The following DISC1 variants were observed in gnomAD, a reference collection of about 807,000 sequenced individuals.
The protein encoded by DISC1 is DISC1 scaffold protein.
Under a neutral mutation model 84.5 loss-of-function variants are expected in DISC1, and 57 were observed. That is an observed-to-expected ratio of 0.67 (90% CI 0.55 to 0.84). The LOEUF (loss-of-function observed/expected upper bound fraction) is 0.84, where lower values mean the gene tolerates loss of function less well. Among genes scored for constraint, DISC1 ranks in the 40% least tolerant of loss-of-function variants. DISC1 has a pLI of 0.00. For missense variants in DISC1, 1,000 were observed against 1,057.8 expected (o/e 0.95, Z 0.76); for synonymous variants, 411 against 415.2 (o/e 0.99, Z 0.12).
chr1:231,627,293 G>C (rs938644827), intron 1 of DISC1, among the ~76,000 whole-genome samples: 3 of 152,114 alleles, frequency 2.0e-5, no homozygotes, highest in Non-Finnish European at 4.4e-5. Context: ...CCCCGTCCTG[G>C]GACACCTGCG....
chr1:231,854,947 C>T, intron 9 of DISC1: 1 of 815,404 alleles, frequency 1.2e-6, no homozygotes, highest in African/African-American at 1.8e-5. Flanking sequence ...AACTCCTGAC[C>T]TCAAGTGATC....
rs954603954 is a variant in DISC1, at chr1:231,897,506, C to T, written c.1982-61322C>T. ...TTCACACATACAGCGCAGACTAAAT[C>T]GTCTTTTTCTTTATCTTTTTTTTTT... On this transcript the variant is annotated intron_variant, in intron 9 of 12. Transcript: ENST00000439617. The surrounding 1 kb of genome is among the most constrained non-coding windows in gnomAD (Gnocchi z 4.5). 2.0e-5 allele frequency among the ~76,000 whole-genome samples: 3 copies of T among 152,104 alleles called. No individual in the cohort carries two copies. In the East Asian group the frequency reaches 5.8e-4, roughly 29 times the overall value.
intron 3 of DISC1, among the ~76,000 whole-genome samples, chr1:231,733,018 T>C (rs1289648774): frequency 1.3e-5 from 2 of 151,332 alleles, no homozygotes; most frequent in East Asian, 3.9e-4. Context: ...GTGTTGTTGG[T>C]AATGGTGGTA....
At chr1:231,864,489 C>T (rs2084911771) in intron 9 of DISC1, among the ~76,000 whole-genome samples, 2 of 152,022 alleles carry the variant, frequency 1.3e-5, no homozygotes, top group Non-Finnish European at 2.9e-5. Flanking sequence ...CAGTGAAACC[C>T]CGTCTCTATT....
intron 3 of DISC1, among the ~76,000 whole-genome samples, chr1:231,709,127 C>T (rs1235043075): frequency 2.0e-5 from 3 of 152,174 alleles, no homozygotes; most frequent in Admixed American, 1.3e-4. Flanking sequence ...TTCCTGTTTA[C>T]AGGAGAATTT....
chr1:231,921,860 T>C (rs1306207310), intron 9 of DISC1, among the ~76,000 whole-genome samples: 1 of 151,396 alleles, frequency 6.6e-6, no homozygotes, highest in Non-Finnish European at 1.5e-5. Flanking sequence ...GATCTACTCT[T>C]TGGGCAGTTT....
At chr1:231,800,287 C>T (rs1271585107) in intron 8 of DISC1, 77 bp downstream of exon 8, 14 of 1,127,434 alleles carry the variant, frequency 1.2e-5, no homozygotes, top group African/African-American at 4.6e-5. Context: ...GTTTTGTCCT[C>T]GATGAACATT....
At chr1:231,726,175 T>C (rs2070662141) in intron 3 of DISC1, among the ~76,000 whole-genome samples, 1 of 152,172 alleles carries the variant, frequency 6.6e-6, no homozygotes, top group African/African-American at 2.4e-5. Flanking sequence ...TTTTCCATGT[T>C]ATGAACCAAG....
chr1:232,033,267 A>G (rs937243266), intron 12 of DISC1, among the ~76,000 whole-genome samples: 16 of 152,182 alleles, frequency 1.1e-4, no homozygotes. Context: ...TCCCACATCC[A>G]GTCTGTCACC....
intron 10 of DISC1, among the ~76,000 whole-genome samples, chr1:231,974,594 C>G (rs1300968390): frequency 6.6e-6 from 1 of 152,128 alleles, no homozygotes; most frequent in Non-Finnish European, 1.5e-5. Context: ...ATAAGAATCC[C>G]TAGAAAAACC....
At chr1:231,713,680 GATATATATATATATATATAGGAGATATAT>G (rs199892456) in intron 3 of DISC1, among the ~76,000 whole-genome samples, 2 of 120,812 alleles carry the variant, frequency 1.7e-5, no homozygotes, top group African/African-American at 6.9e-5. Context: ...TCATGAAGCA[GATATATATATATATATATAGGAGATATAT>G]ATATATATAT....
intron 4 of DISC1, among the ~76,000 whole-genome samples, chr1:231,751,178 C>T (rs768262901): frequency 3.3e-5 from 5 of 152,166 alleles, no homozygotes; most frequent in Non-Finnish European, 7.3e-5. Flanking sequence ...TGCAACATTG[C>T]GTGTTCCTCT....
rs1182568965 is a variant in DISC1, at chr1:231,806,906, T to C, written c.1792+6696T>C. On this transcript the variant is annotated intron_variant, in intron 8 of 12. Transcript: ENST00000439617. ...ACAGCAAGTGTGTGGTGGGTGCGGC[T>C]GACTTGTGCTCTGTGGCTACTACCC... Among the ~76,000 whole-genome samples, 4 of 152,354 alleles carry C rather than the reference T, an allele frequency of 2.6e-5. No individual in the cohort carries two copies. The East Asian group carries it at 7.7e-4, about 29-fold the overall frequency.
At chr1:231,896,563 A>C (rs941373881) in intron 9 of DISC1, among the ~76,000 whole-genome samples, 8 of 152,316 alleles carry the variant, frequency 5.3e-5, no homozygotes, top group Middle Eastern at 6.8e-3. Flanking sequence ...TCTTCTAGAA[A>C]GTGGGCTAAA....
Position 231,822,211 on chromosome 1 carries a change from T to C in DISC1, c.1981+3694T>C, listed in dbSNP as rs192199958. ...AATTTTAAATAGGACATCATTAGCATGTTAATGAATTTTCCCACCTTATGC... is the reference window on the plus strand; with the variant it reads ...AATTTTAAATAGGACATCATTAGCACGTTAATGAATTTTCCCACCTTATGC... On this transcript the variant is annotated intron_variant, in intron 9 of 12. Coordinates refer to ENST00000439617, the MANE Select transcript of DISC1 (RefSeq NM_018662.3). 1.3e-3 allele frequency among the ~76,000 whole-genome samples: 205 copies of C among 152,328 alleles called. 1 individual carries two copies. Among genetic ancestry groups the C allele is most frequent in the African/African-American group, 4.5e-3 (189 of 41,568 alleles).
At chr1:231,765,807 G>C (rs961023122) in intron 4 of DISC1, among the ~76,000 whole-genome samples, 3 of 152,092 alleles carry the variant, frequency 2.0e-5, no homozygotes. Flanking sequence ...AAGTGGTTTT[G>C]ACAGTCTTTA....
chr1:231,960,029 A>G (rs1031874537), intron 10 of DISC1, among the ~76,000 whole-genome samples: 10 of 152,182 alleles, frequency 6.6e-5, no homozygotes, highest in African/African-American at 2.4e-4. Flanking sequence ...GGGTATTGGT[A>G]AAGAGACACC....
chr1:231,752,121 G>A (rs1467503116), intron 4 of DISC1, among the ~76,000 whole-genome samples: 2 of 152,192 alleles, frequency 1.3e-5, no homozygotes, highest in African/African-American at 2.4e-5. Flanking sequence ...GTCTGGGCTG[G>A]CAAAGGCTGC....
chr1:231,677,136 C>A (rs1480364166), intron 1 of DISC1, among the ~76,000 whole-genome samples: 1 of 152,160 alleles, frequency 6.6e-6, no homozygotes, highest in African/African-American at 2.4e-5. Context: ...TCAGAAGTTG[C>A]CTACAGCTTA....
Sources: gnomAD v4.1 joint callset for allele counts (sites outside exome capture counted in the v4.1 genomes callset) on GRCh38, gnomAD v4.1.1 for gene constraint, Gnocchi (gnomAD v3.1) non-coding constraint, MANE v1.5 for transcripts, NCBI Gene and HGNC (gene_info 2026-07-23, HGNC 2026-07-21) for gene names.